Variants in MAP3K13 observed in about 807,000 individuals in gnomAD.
MAP3K13 encodes mitogen-activated protein kinase kinase kinase 13.
In MAP3K13, 52 loss-of-function variants were observed where a neutral mutation model predicts 104.0. The ratio of observed to expected loss-of-function variants is 0.50; its 90% CI spans 0.40 to 0.63. MAP3K13 has a LOEUF of 0.63. Ranked by LOEUF, MAP3K13 falls within the 20% of genes least tolerant of loss-of-function variation. The pLI, the probability that MAP3K13 is intolerant of heterozygous loss-of-function variation, is 0.00. For missense variants in MAP3K13, 914 were observed against 1,218.5 expected (o/e 0.75, Z 3.72); for synonymous variants, 394 against 442.2 (o/e 0.89, Z 1.37).
Position 185,482,417 on chromosome 3 carries a change from A to C in MAP3K13, c.2862A>C (p.Thr954=), listed in dbSNP as rs769611049. The stretch of plus-strand genomic sequence containing the variant: ...CAGATGGGGAGTGTTCTGATGCCAC[A>C]GTTAGGACCAATAAACACTACAGCT... ...DSSDGECSDA[T]VRTNKHYSSA... Residue 954 remains threonine (T), a synonymous_variant, in exon 14 of 14, where the codon ACA becomes ACC. Transcript: ENST00000265026. This position sits in a 1 kb window ranked among gnomAD's most constrained non-coding sequence, Gnocchi z 4.5. 1 of 1,614,136 alleles carries C rather than the reference A, an allele frequency of 6.2e-7. No homozygotes were observed. Among genetic ancestry groups the C allele is most frequent in the East Asian group, 2.2e-5 (1 of 44,882 alleles).
intron 1 of MAP3K13, among the ~76,000 whole-genome samples, chr3:185,377,978 T>A (rs1724515049): frequency 6.6e-6 from 1 of 151,948 alleles, no homozygotes; most frequent in Non-Finnish European, 1.5e-5. Context: ...GTGGCCAGAT[T>A]TCCGGCACTT....
At chr3:185,455,046 ATGAGATATATG>A (rs1716361503) in intron 7 of MAP3K13, among the ~76,000 whole-genome samples, 2 of 93,198 alleles carry the variant, frequency 2.1e-5, no homozygotes, top group Non-Finnish European at 4.1e-5. Context: ...TGATATATAT[ATGAGATATATG>A]TGAGATATAT....
At chr3:185,298,311 G>C (rs138892788) in intron 2 of MAP3K13, among the ~76,000 whole-genome samples, 8 of 151,912 alleles carry the variant, frequency 5.3e-5, no homozygotes, top group Admixed American at 5.2e-4. Context: ...CATAGACTTA[G>C]GGAAATAATG....
intron 2 of MAP3K13, among the ~76,000 whole-genome samples, chr3:185,333,135 A>G (rs1722344336): frequency 6.6e-6 from 1 of 152,124 alleles, no homozygotes; most frequent in South Asian, 2.1e-4. Context: ...TAATTTGATA[A>G]CATTTTTTGT....
rs1336365305 is a variant in MAP3K13 at position 185,477,315 on chromosome 3, G to C, written c.2431-11G>C. 3.8e-6 allele frequency: 6 copies of C among 1,559,336 alleles called. No homozygotes were observed. Among genetic ancestry groups the C allele is most frequent in the Non-Finnish European group, 5.3e-6 (6 of 1,130,322 alleles). On this transcript the variant is annotated splice_polypyrimidine_tract_variant and intron_variant, in intron 11 of 13. Coordinates refer to ENST00000265026, the MANE Select transcript of MAP3K13 (RefSeq NM_004721.5). ...AAAATAAATAAAACTCTTAATCCTT[G>C]TTCTCCTCAGAGTGGAGATGACTCC...
chr3:185,325,191 T>C (rs191811753), intron 2 of MAP3K13, among the ~76,000 whole-genome samples: 16 of 152,318 alleles, frequency 1.1e-4, no homozygotes, highest in African/African-American at 3.6e-4. Flanking sequence ...ATGATCTTAA[T>C]AATTTGGAAA....
intron 2 of MAP3K13, among the ~76,000 whole-genome samples, chr3:185,304,115 G>A (rs1463457970): frequency 1.3e-5 from 2 of 152,122 alleles, no homozygotes; most frequent in South Asian, 2.1e-4. Flanking sequence ...ACACATATTT[G>A]TGAGTTTTCC....
chr3:185,377,166 C>T (rs149303756), intron 1 of MAP3K13, among the ~76,000 whole-genome samples: 54 of 151,712 alleles, frequency 3.6e-4, no homozygotes, highest in Non-Finnish European at 6.3e-4. Flanking sequence ...AAGTCGTGTC[C>T]GGTTTTTGGA....
chr3:185,463,867 A>C (rs1717257509), intron 8 of MAP3K13, among the ~76,000 whole-genome samples: 1 of 152,142 alleles, frequency 6.6e-6, no homozygotes, highest in African/African-American at 2.4e-5. Context: ...CTCTTTTATT[A>C]GGTCTCTGCA....
Position 185,482,667 on chromosome 3 carries a change from AACATTTC to A in MAP3K13, c.*213_*219del, listed in dbSNP as rs1718532522. ...ATCCAAATGAAATTAAGTCTCACTG[AACATTTC>A]AATCAAGAATGGCAGGGATCTATTT... On this transcript the variant is annotated 3_prime_UTR_variant, in exon 14 of 14. Coordinates refer to ENST00000265026, the MANE Select transcript of MAP3K13 (RefSeq NM_004721.5). The surrounding 1 kb of genome is among the most constrained non-coding windows in gnomAD (Gnocchi z 4.5). 1 of 506,460 alleles carries A rather than the reference AACATTTC, an allele frequency of 2.0e-6. No homozygotes were observed. The allele number at this position is 506,460 out of a possible 1,614,324, so 31.4% of individuals were successfully genotyped here. A position where few individuals can be genotyped will look rare whatever the true frequency, so the allele number is the denominator to read the frequency against.
chr3:185,345,679 T>A (rs1047041131), intron 2 of MAP3K13, among the ~76,000 whole-genome samples: 1 of 152,182 alleles, frequency 6.6e-6, no homozygotes, highest in Non-Finnish European at 1.5e-5. Context: ...CACCTCCAGA[T>A]GGGACTGTCT....
chr3:185,339,894 G>A (rs1722653803), intron 2 of MAP3K13, among the ~76,000 whole-genome samples: 1 of 152,148 alleles, frequency 6.6e-6, no homozygotes, highest in African/African-American at 2.4e-5. Context: ...TAGTTATATG[G>A]GACTCTAAAA....
chr3:185,387,446 T>G (rs918630392), intron 1 of MAP3K13, among the ~76,000 whole-genome samples: 1 of 152,138 alleles, frequency 6.6e-6, no homozygotes, highest in African/African-American at 2.4e-5. Flanking sequence ...CCTCACCAGA[T>G]GAAGATGCCC....
intron 1 of MAP3K13, among the ~76,000 whole-genome samples, chr3:185,384,308 C>CTG (rs142627913): frequency 0.023 from 3,365 of 146,864 alleles, 58 homozygotes; most frequent in Admixed American, 0.055. Flanking sequence ...GTATTCCATT[C>CTG]TGTGTGTGTG....
At chr3:185,432,555 T>G (rs1424704788) in intron 2 of MAP3K13, among the ~76,000 whole-genome samples, 1 of 151,962 alleles carries the variant, frequency 6.6e-6, no homozygotes, top group Non-Finnish European at 1.5e-5. Flanking sequence ...GATAGCTGCA[T>G]AAGTGATCGA....
rs1718559361 is a variant in MAP3K13 at position 185,483,166 on chromosome 3, A to G, written c.*710A>G. On this transcript the variant is annotated 3_prime_UTR_variant, in exon 14 of 14. Transcript: ENST00000265026. ...CTAGGAGGGAAAAACAGACAAACAA[A>G]CAAACAAACAAACCTGTGTATGTGG... is the stretch of plus-strand genomic sequence containing the variant. The G allele has an allele frequency of 4.3e-6, 1 of 233,000 alleles. No individual in the cohort carries two copies. Among genetic ancestry groups the G allele is most frequent in the Non-Finnish European group, 8.5e-6 (1 of 117,958 alleles). 14.4% of individuals were successfully genotyped at this position (233,000 alleles called of 1,614,324 possible).
At chr3:185,290,853 T>A (rs1205813731) in intron 2 of MAP3K13, among the ~76,000 whole-genome samples, 2 of 152,084 alleles carry the variant, frequency 1.3e-5, no homozygotes, top group African/African-American at 4.8e-5. Flanking sequence ...TACAAGCATA[T>A]AAGATAAACA....
intron 1 of MAP3K13, among the ~76,000 whole-genome samples, chr3:185,398,315 C>T (rs1267206077): frequency 6.6e-6 from 1 of 152,090 alleles, no homozygotes; most frequent in Admixed American, 6.5e-5. Flanking sequence ...ATCAGATGCA[C>T]CAGAAAGAAA....
At chr3:185,296,341 C>G (rs1342349575) in intron 2 of MAP3K13, among the ~76,000 whole-genome samples, 1 of 152,196 alleles carries the variant, frequency 6.6e-6, no homozygotes, top group Non-Finnish European at 1.5e-5. Flanking sequence ...TGATATGCCT[C>G]TGCTCTCTCC....
Sources: gnomAD v4.1 joint callset for allele counts (sites outside exome capture counted in the v4.1 genomes callset) on GRCh38, gnomAD v4.1.1 for gene constraint, Gnocchi (gnomAD v3.1) non-coding constraint, MANE v1.5 for transcripts, NCBI Gene and HGNC (gene_info 2026-07-23, HGNC 2026-07-21) for gene names.